The following TAFA5 variants were observed in gnomAD, a reference collection of about 807,000 sequenced individuals.
TAFA5 encodes the protein chemokine-like protein TAFA-5.
TAFA5 carries 6 observed loss-of-function variants against 15.3 expected under a neutral mutation model. That is an observed-to-expected ratio of 0.39 (90% CI 0.21 to 0.77). The LOEUF (loss-of-function observed/expected upper bound fraction) is 0.77, where lower values mean the gene tolerates loss of function less well. Among genes scored for constraint, TAFA5 ranks in the 30% least tolerant of loss-of-function variants. The pLI is 0.41. For missense variants in TAFA5, 161 were observed against 193.1 expected, an observed-to-expected ratio of 0.83 and a Z score of 0.98; for synonymous variants, 103 against 80.7, an observed-to-expected ratio of 1.28 and a Z score of -1.48.
intron 1 of TAFA5, among the ~76,000 whole-genome samples, chr22:48,557,013 G>A (rs1923063580): frequency 6.6e-6 from 1 of 152,202 alleles, no homozygotes; most frequent in South Asian, 2.1e-4. Flanking sequence ...CTGCAGCCGG[G>A]CCTGGCGTGG....
rs1388940534 is a variant in TAFA5 at position 48,598,144 on chromosome 22, G to C, written c.113-48453G>C. On this transcript the variant is annotated intron_variant, in intron 1 of 3. Coordinates refer to ENST00000402357, the MANE Select transcript of TAFA5 (RefSeq NM_001082967.3). This position sits in a 1 kb window ranked among gnomAD's most constrained non-coding sequence, Gnocchi z 4.0. ...GCGAGAGGTGCAGCTGGCGTCGTGA[G>C]GCCTCCGCTGGAGAATTCTTTTCTT... is the stretch of plus-strand genomic sequence containing the variant. Among the ~76,000 whole-genome samples, 1 of 152,188 alleles carries C rather than the reference G, an allele frequency of 6.6e-6. No homozygotes were observed. The highest frequency in any genetic ancestry group is 1.5e-5 in the Non-Finnish European group (1 of 68,042).
At chr22:48,702,825 C>T (rs748431967) in intron 2 of TAFA5, among the ~76,000 whole-genome samples, 6 of 152,222 alleles carry the variant, frequency 3.9e-5, no homozygotes, top group African/African-American at 9.6e-5. Context: ...CATGGTGGCC[C>T]GGCGCTGTGC....
intron 2 of TAFA5, among the ~76,000 whole-genome samples, chr22:48,688,504 G>A (rs929355270): frequency 1.3e-5 from 2 of 152,266 alleles, no homozygotes; most frequent in African/African-American, 4.8e-5. Context: ...TGCACCCCAA[G>A]GCCTTGGCCC....
chr22:48,535,619 C>G (rs1025172015), intron 1 of TAFA5, among the ~76,000 whole-genome samples: 2 of 150,482 alleles, frequency 1.3e-5, no homozygotes, highest in Non-Finnish European at 3.0e-5. Context: ...CACACATGGT[C>G]ACACCGGCAC....
At chr22:48,559,006 G>T (rs898135347) in intron 1 of TAFA5, among the ~76,000 whole-genome samples, 2 of 152,226 alleles carry the variant, frequency 1.3e-5, no homozygotes, top group East Asian at 1.9e-4. Flanking sequence ...AGGTGACAAG[G>T]TCATACAGGG....
At chr22:48,494,662 G>A (rs970251940) in intron 1 of TAFA5, among the ~76,000 whole-genome samples, 7 of 152,192 alleles carry the variant, frequency 4.6e-5, no homozygotes, top group African/African-American at 1.2e-4. Flanking sequence ...GATGGTTTCT[G>A]TGGAGGCCCT....
chr22:48,717,807 G>A (rs1379376767), intron 3 of TAFA5, among the ~76,000 whole-genome samples: 2 of 152,216 alleles, frequency 1.3e-5, no homozygotes, highest in Non-Finnish European at 1.5e-5. Flanking sequence ...AGTTGAATTG[G>A]TCAGGGCATA....
rs762502234 is a variant in TAFA5, at chr22:48,598,483, C to G, written c.113-48114C>G. On this transcript the variant is annotated intron_variant, in intron 1 of 3. Transcript: ENST00000402357. This position sits in a 1 kb window ranked among gnomAD's most constrained non-coding sequence, Gnocchi z 4.0. ...GACCACACAGGAAGGGACGTCTCCT[C>G]CTGGTGCCACCTCCTGGGAGAGTGG... Among the ~76,000 whole-genome samples the G allele has an allele frequency of 1.3e-5, 2 of 152,118 alleles. No individual in the cohort carries two copies. The highest frequency in any genetic ancestry group is 2.9e-5 in the Non-Finnish European group (2 of 68,022).
At chr22:48,647,357 G>A (rs1316070261) in intron 2 of TAFA5, among the ~76,000 whole-genome samples, 1 of 152,154 alleles carries the variant, frequency 6.6e-6, no homozygotes, top group East Asian at 1.9e-4. Context: ...CACTTGGAAA[G>A]GGCACCTGCT....
At chr22:48,571,692 C>G (rs1444672165) in intron 1 of TAFA5, among the ~76,000 whole-genome samples, 1 of 139,710 alleles carries the variant, frequency 7.2e-6, no homozygotes, top group African/African-American at 2.7e-5. Flanking sequence ...TATGGTAAGT[C>G]TCTACAATCT....
At chr22:48,575,978 C>G (rs1349350443) in intron 1 of TAFA5, among the ~76,000 whole-genome samples, 2 of 138,120 alleles carry the variant, frequency 1.4e-5, no homozygotes, top group Admixed American at 1.4e-4. Flanking sequence ...AGGAGGAAGG[C>G]GACGCCGAGC....
chr22:48,513,598 G>A (rs906583727), intron 1 of TAFA5, among the ~76,000 whole-genome samples: 14 of 152,256 alleles, frequency 9.2e-5, no homozygotes, highest in African/African-American at 1.4e-4. Context: ...TGCTCTGAGC[G>A]AGACATGGCT....
chr22:48,608,121 G>A (rs114538949), intron 1 of TAFA5, among the ~76,000 whole-genome samples: 1,410 of 117,724 alleles, frequency 0.012, 23 homozygotes, highest in African/African-American at 0.042. Flanking sequence ...CCACGGCCCC[G>A]GGCTGCCAGA....
At chr22:48,521,229 G>T (rs569619637) in intron 1 of TAFA5, among the ~76,000 whole-genome samples, 1 of 152,134 alleles carries the variant, frequency 6.6e-6, no homozygotes, top group African/African-American at 2.4e-5. Context: ...GGCTCATCTG[G>T]GCACTTTTAA....
rs1484081871 is a variant in TAFA5, at chr22:48,750,761, CAAAG to C, written c.*918_*921del. 6.5e-6 allele frequency: 1 copy of C among 152,816 alleles called. No individual in the cohort carries two copies. Among genetic ancestry groups the C allele is most frequent in the Non-Finnish European group, 1.5e-5 (1 of 68,110 alleles). The allele number at this position is 152,816 out of a possible 1,614,324, so 9.5% of individuals were successfully genotyped here. ...CGATACCCCATTTAGCTCCAGAAAGCAAAGAAAACTCGAGTAACACTTGTTTGAA... is the reference window on the plus strand; with the variant it reads ...CGATACCCCATTTAGCTCCAGAAAGCAAAACTCGAGTAACACTTGTTTGAA... On this transcript the variant is annotated 3_prime_UTR_variant, in exon 4 of 4. Coordinates refer to ENST00000402357, the MANE Select transcript of TAFA5 (RefSeq NM_001082967.3).
At chr22:48,680,176 C>G (rs1294084301) in intron 2 of TAFA5, among the ~76,000 whole-genome samples, 1 of 152,256 alleles carries the variant, frequency 6.6e-6, no homozygotes, top group Admixed American at 6.5e-5. Flanking sequence ...ACCACCTGCT[C>G]ACCCCAGACC....
At chr22:48,646,115 G>C (rs990025600) in intron 1 of TAFA5, among the ~76,000 whole-genome samples, 2 of 152,268 alleles carry the variant, frequency 1.3e-5, no homozygotes, top group South Asian at 2.1e-4. Context: ...CACAACTTTT[G>C]ACAAGCCTGA....
chr22:48,707,780 A>C lies in TAFA5; in HGVS notation c.326A>C (p.Asp109Ala). Residue 109 changes from aspartate to alanine, a missense_variant, in exon 3 of 4, where the codon GAC becomes GCC. Asp to Ala is a moderately radical substitution (Grantham distance 126). Coordinates refer to ENST00000402357, the MANE Select transcript of TAFA5 (RefSeq NM_001082967.3). ...MLPCLEGEGC[D>A]LLINRSGWTC... ...CCGTGTCTGGAGGGGGAAGGCTGCG[A>C]CTTGTTAATCAACCGGTCAGGCTGG... 2.5e-6 allele frequency: 4 copies of C among 1,613,882 alleles called. No homozygotes were observed. The highest frequency in any genetic ancestry group is 3.4e-6 in the Non-Finnish European group (4 of 1,179,868).
chr22:48,672,539 C>T (rs151232934), intron 2 of TAFA5, among the ~76,000 whole-genome samples: 14 of 152,266 alleles, frequency 9.2e-5, no homozygotes, highest in African/African-American at 2.6e-4. Flanking sequence ...TGTGTGATAC[C>T]GTGGCTGGGT....
Sources: allele counts gnomAD v4.1 joint callset (sites outside exome capture counted in the v4.1 genomes callset), GRCh38; gene constraint gnomAD v4.1.1; non-coding constraint Gnocchi (gnomAD v3.1); transcripts MANE v1.5; gene names NCBI Gene and HGNC (gene_info 2026-07-23, HGNC 2026-07-21).